OSBPL6: variants seen among roughly 807,000 people sequenced by gnomAD.
OSBPL6 encodes the protein oxysterol binding protein like 6.
In OSBPL6, 49 loss-of-function variants were observed where a neutral mutation model predicts 125.8. The ratio of observed to expected loss-of-function variants is 0.39; its 90% CI spans 0.31 to 0.49. The LOEUF is 0.49. Ranked by LOEUF, OSBPL6 falls within the 20% of genes least tolerant of loss-of-function variation. The pLI, the probability that OSBPL6 is intolerant of heterozygous loss-of-function variation, is 0.88. For missense variants in OSBPL6, 986 were observed against 1,135.4 expected, an observed-to-expected ratio of 0.87 and a Z score of 1.89; for synonymous variants, 394 against 391.8, an observed-to-expected ratio of 1.01 and a Z score of -0.07.
intron 13 of OSBPL6, among the ~76,000 whole-genome samples, chr2:178,362,959 G>C (rs1039497681): frequency 8.5e-5 from 13 of 152,120 alleles, no homozygotes; most frequent in African/African-American, 2.9e-4. Flanking sequence ...CTCATGTCAT[G>C]GATCGGTCGA....
chr2:178,330,913 G>GA (rs1159491212), intron 5 of OSBPL6, among the ~76,000 whole-genome samples: 1 of 152,144 alleles, frequency 6.6e-6, no homozygotes, highest in Non-Finnish European at 1.5e-5. Flanking sequence ...TCTTGGAGGA[G>GA]AAAAAATTGC....
chr2:178,250,616 G>A (rs974996558), intron 1 of OSBPL6, among the ~76,000 whole-genome samples: 1 of 152,078 alleles, frequency 6.6e-6, no homozygotes, highest in East Asian at 1.9e-4. Flanking sequence ...CTTCCTCAGG[G>A]CTTCTGCACC....
At chr2:178,241,953 A>G (rs2091310736) in intron 1 of OSBPL6, among the ~76,000 whole-genome samples, 1 of 152,228 alleles carries the variant, frequency 6.6e-6, no homozygotes, top group South Asian at 2.1e-4. Context: ...GTACAATAAC[A>G]TGCTGTGCAG....
intron 1 of OSBPL6, among the ~76,000 whole-genome samples, chr2:178,218,723 G>A (rs770055379): frequency 5.3e-5 from 8 of 149,700 alleles, no homozygotes; most frequent in Non-Finnish European, 7.4e-5. Context: ...TCTGCCTCCC[G>A]GGTTCAGGTG....
intron 1 of OSBPL6, among the ~76,000 whole-genome samples, chr2:178,248,955 G>A (rs2091589391): frequency 2.6e-5 from 4 of 151,376 alleles, no homozygotes; most frequent in Admixed American, 1.3e-4. Context: ...TTTATTTATT[G>A]AGACAGAGTC....
Position 178,284,164 on chromosome 2 carries a change from G to A in OSBPL6, c.-350-763G>A, listed in dbSNP as rs144463289. 2.0e-3 allele frequency among the ~76,000 whole-genome samples: 304 copies of A among 152,288 alleles called. 2 individuals carry two copies. Among genetic ancestry groups the A allele is most frequent in the African/African-American group, 6.5e-3 (272 of 41,556 alleles). On this transcript the variant is annotated intron_variant, in intron 1 of 24. Coordinates refer to ENST00000190611, the MANE Select transcript of OSBPL6 (RefSeq NM_032523.4). ...AGTTTGGCTACAGTTCTCTTCTACA[G>A]CAAATTAGAGACTGTTCATGCGTTT...
chr2:178,264,831 G>A (rs2092178060), intron 1 of OSBPL6, among the ~76,000 whole-genome samples: 1 of 151,734 alleles, frequency 6.6e-6, no homozygotes, highest in African/African-American at 2.4e-5. Flanking sequence ...ATTCACGTGT[G>A]TTTCTATAAA....
At chr2:178,309,303 T>C (rs1338568106) in intron 3 of OSBPL6, among the ~76,000 whole-genome samples, 3 of 152,208 alleles carry the variant, frequency 2.0e-5, no homozygotes, top group Non-Finnish European at 4.4e-5. Context: ...TGAGCTCTCG[T>C]ATACAGACTA....
chr2:178,228,327 A>G (rs560281274), intron 1 of OSBPL6, among the ~76,000 whole-genome samples: 3 of 152,318 alleles, frequency 2.0e-5, no homozygotes, highest in South Asian at 2.1e-4. Context: ...TGAGGTCAGG[A>G]GATCGAGACC....
chr2:178,197,757 G>C (rs1346504374), intron 1 of OSBPL6, among the ~76,000 whole-genome samples: 1 of 151,956 alleles, frequency 6.6e-6, no homozygotes, highest in African/African-American at 2.4e-5. Context: ...TTGAAACTTT[G>C]GATGGGGGTA....
intron 1 of OSBPL6, among the ~76,000 whole-genome samples, chr2:178,234,984 C>G (rs1226415360): frequency 6.6e-6 from 1 of 152,126 alleles, no homozygotes; most frequent in African/African-American, 2.4e-5. Flanking sequence ...ACCACCTTAT[C>G]AAATATGTTT....
At chr2:178,333,479 T>TA (rs1157740557) in intron 8 of OSBPL6, among the ~76,000 whole-genome samples, 3 of 152,194 alleles carry the variant, frequency 2.0e-5, no homozygotes, top group African/African-American at 4.8e-5. Flanking sequence ...GTTTGCTTTG[T>TA]AAACTAACAC....
intron 1 of OSBPL6, among the ~76,000 whole-genome samples, chr2:178,230,113 C>G (rs999223835): frequency 2.0e-5 from 3 of 152,142 alleles, no homozygotes; most frequent in Admixed American, 2.0e-4. Flanking sequence ...TGGGGAGAGG[C>G]GACAGATTGG....
intron 1 of OSBPL6, among the ~76,000 whole-genome samples, chr2:178,235,398 CTTTTTTTTTTTTTTTTT>C (rs540269327): frequency 9.0e-5 from 7 of 78,040 alleles, no homozygotes; most frequent in African/African-American, 2.8e-4. Flanking sequence ...CTTTTCTTTT[CTTTTTTTTTTTTTTTTT>C]TTTTTTTTTG....
intron 15 of OSBPL6, among the ~76,000 whole-genome samples, chr2:178,374,764 A>G (rs980258141): frequency 1.3e-5 from 2 of 152,258 alleles, no homozygotes; most frequent in Non-Finnish European, 2.9e-5. Flanking sequence ...ATTGCTAAAC[A>G]TTATTTCCAT....
At chr2:178,241,347 C>T (rs564862852) in intron 1 of OSBPL6, among the ~76,000 whole-genome samples, 3 of 151,586 alleles carry the variant, frequency 2.0e-5, no homozygotes, top group South Asian at 2.1e-4. Context: ...CTCCTGACCT[C>T]GTGGTCCTCC....
Position 178,395,499 on chromosome 2 carries a change from C to A in OSBPL6, c.2745C>A (p.Thr915=). 1 of 1,613,760 alleles carries A rather than the reference C, an allele frequency of 6.2e-7. No individual in the cohort carries two copies. Among genetic ancestry groups the A allele is most frequent in the South Asian group, 1.1e-5 (1 of 91,060 alleles). The change falls in exon 25 of 25, where the codon ACC becomes ACA. Residue 915 remains threonine (T), a synonymous_variant. Coordinates refer to ENST00000190611, the MANE Select transcript of OSBPL6 (RefSeq NM_032523.4). Reference sequence around the variant, plus strand: ...GAGAAGCCTGGGTTTCTAACGACACCTACTGGGAGCTTCGAAAGGACCCTG... The same window carrying A: ...GAGAAGCCTGGGTTTCTAACGACACATACTGGGAGCTTCGAAAGGACCCTG... ...NQREAWVSND[T]YWELRKDPGF...
intron 1 of OSBPL6, among the ~76,000 whole-genome samples, chr2:178,208,805 C>CATCCT (rs377607300): frequency 1.3e-5 from 2 of 150,662 alleles, no homozygotes; most frequent in South Asian, 2.1e-4. Context: ...TCTTTCCTTC[C>CATCCT]TCCCCTTTCT....
At chr2:178,242,505 C>T (rs2091331524) in intron 1 of OSBPL6, among the ~76,000 whole-genome samples, 1 of 152,170 alleles carries the variant, frequency 6.6e-6, no homozygotes, top group East Asian at 1.9e-4. Context: ...TTAAATATTG[C>T]CCTGCCAAGA....
Sources: gnomAD v4.1 joint callset for allele counts (sites outside exome capture counted in the v4.1 genomes callset) on GRCh38, gnomAD v4.1.1 for gene constraint, MANE v1.5 for transcripts, NCBI Gene and HGNC (gene_info 2026-07-23, HGNC 2026-07-21) for gene names.